The following ASTN2 variants were observed in gnomAD, a reference collection of about 807,000 sequenced individuals.
ASTN2 encodes the protein astrotactin-2.
In ASTN2, 54 loss-of-function variants were observed where a neutral mutation model predicts 139.8. That is an observed-to-expected ratio of 0.39 (90% CI 0.31 to 0.48). The LOEUF is 0.48. Among genes scored for constraint, ASTN2 ranks in the 20% least tolerant of loss-of-function variants. ASTN2 has a pLI of 0.95. For synonymous variants in ASTN2, 756 were observed against 719.5 expected (o/e 1.05, Z -0.81); for missense variants, 1,565 against 1,725.1 (o/e 0.91, Z 1.64).
chr9:117,383,080 C>T (rs1443413845), intron 1 of ASTN2, among the ~76,000 whole-genome samples: 4 of 152,162 alleles, frequency 2.6e-5, no homozygotes, highest in East Asian at 1.9e-4. Context: ...AACAAATAAG[C>T]GTGGCTGTGT....
intron 3 of ASTN2, among the ~76,000 whole-genome samples, chr9:117,179,022 G>A (rs1184851846): frequency 6.6e-6 from 1 of 152,152 alleles, no homozygotes; most frequent in Non-Finnish European, 1.5e-5. Context: ...TTCCCTGAGA[G>A]TAGTAACAGA....
chr9:117,270,122 A>G (rs901694398), intron 2 of ASTN2, among the ~76,000 whole-genome samples: 17 of 152,342 alleles, frequency 1.1e-4, no homozygotes, highest in African/African-American at 4.1e-4. Context: ...TTGAAGGAGT[A>G]AATTTTCATC....
At chr9:117,284,146 C>T (rs963942505) in intron 2 of ASTN2, among the ~76,000 whole-genome samples, 6 of 152,042 alleles carry the variant, frequency 3.9e-5, no homozygotes, top group African/African-American at 1.4e-4. Context: ...AGGGTGGGAC[C>T]CAGTCAGAGT....
intron 19 of ASTN2, among the ~76,000 whole-genome samples, chr9:116,558,771 A>T (rs1201787874): frequency 1.8e-4 from 27 of 152,242 alleles, no homozygotes. Context: ...ACACAGAAGA[A>T]AAAGCCAGGG....
At chr9:117,083,482 C>A (rs554976558) in intron 5 of ASTN2, among the ~76,000 whole-genome samples, 1 of 152,320 alleles carries the variant, frequency 6.6e-6, no homozygotes, top group South Asian at 2.1e-4. Flanking sequence ...TGCATGCAAG[C>A]ATCTCACACA....
chr9:116,666,390 T>C (rs1221368200), intron 16 of ASTN2, among the ~76,000 whole-genome samples: 1 of 152,202 alleles, frequency 6.6e-6, no homozygotes, highest in Non-Finnish European at 1.5e-5. Flanking sequence ...TTCCTTAAAT[T>C]ATGAATGCCA....
At chr9:116,845,705 A>C (rs954253885) in intron 11 of ASTN2, among the ~76,000 whole-genome samples, 7 of 152,228 alleles carry the variant, frequency 4.6e-5, no homozygotes, top group African/African-American at 1.7e-4. Context: ...GGCTGTTACC[A>C]AAAATTCAGA....
intron 3 of ASTN2, among the ~76,000 whole-genome samples, chr9:117,189,105 GT>G (rs2132963982): frequency 6.6e-6 from 1 of 152,252 alleles, no homozygotes; most frequent in African/African-American, 2.4e-5. Flanking sequence ...CCTGAACAAT[GT>G]CTTATAAAAG....
chr9:117,358,981 T>A (rs1829622725), intron 1 of ASTN2, among the ~76,000 whole-genome samples: 1 of 152,024 alleles, frequency 6.6e-6, no homozygotes, highest in Non-Finnish European at 1.5e-5. Context: ...TGGTGGGAGG[T>A]TAAGCAAGGT....
chr9:116,607,033 C>A (rs546492027), intron 19 of ASTN2, among the ~76,000 whole-genome samples: 2 of 152,248 alleles, frequency 1.3e-5, no homozygotes, highest in East Asian at 1.9e-4. Context: ...AAAGGTGACA[C>A]AGAAGCAAAC....
At chr9:117,221,847 G>GAA (rs57161095) in intron 2 of ASTN2, among the ~76,000 whole-genome samples, 2,284 of 144,998 alleles carry the variant, frequency 0.016, 80 homozygotes, top group Admixed American at 0.079. Context: ...AGTGTTAGAA[G>GAA]AAAAAAAAAA....
intron 5 of ASTN2, among the ~76,000 whole-genome samples, chr9:117,056,522 T>C (rs771025615): frequency 2.0e-5 from 3 of 152,162 alleles, no homozygotes; most frequent in Non-Finnish European, 4.4e-5. Context: ...GACATCATAA[T>C]TACACTGTGT....
intron 1 of ASTN2, among the ~76,000 whole-genome samples, chr9:117,303,546 A>G (rs1297963868): frequency 2.6e-5 from 4 of 152,120 alleles, no homozygotes; most frequent in Non-Finnish European, 5.9e-5. Flanking sequence ...GATGCAGCCA[A>G]ACCAGGACAA....
At chr9:117,117,381 A>G (rs202063913) in intron 4 of ASTN2, among the ~76,000 whole-genome samples, 2 of 57,700 alleles carry the variant, frequency 3.5e-5, no homozygotes. Flanking sequence ...AAAAAAAAAG[A>G]AAAGAACGAA....
At chr9:117,114,822 C>T (rs1407178149) in intron 4 of ASTN2, among the ~76,000 whole-genome samples, 1 of 152,150 alleles carries the variant, frequency 6.6e-6, no homozygotes, top group Non-Finnish European at 1.5e-5. Flanking sequence ...AGTCACTATC[C>T]AAGAAACCTG....
chr9:116,835,810 A>C (rs984939180), intron 11 of ASTN2, among the ~76,000 whole-genome samples: 12 of 152,064 alleles, frequency 7.9e-5, no homozygotes, highest in Non-Finnish European at 1.5e-4. Context: ...TTTTAGAGAG[A>C]GGTTCTCTCT....
intron 19 of ASTN2, chr9:116,584,448 C>T (rs1854071060): frequency 6.6e-6 from 1 of 152,100 alleles, no homozygotes; most frequent in African/African-American, 2.4e-5. Context: ...AAACTATAGC[C>T]CACTACCATC....
At chr9:117,082,127 T>C (rs1201000571) in intron 5 of ASTN2, among the ~76,000 whole-genome samples, 1 of 152,174 alleles carries the variant, frequency 6.6e-6, no homozygotes. Context: ...TCCCCTCAAC[T>C]AGAACACTCC....
intron 19 of ASTN2, among the ~76,000 whole-genome samples, chr9:116,521,539 G>C (rs912366273): frequency 2.6e-5 from 4 of 151,952 alleles, no homozygotes; most frequent in African/African-American, 9.7e-5. Flanking sequence ...AAACCATAAA[G>C]ATTCTAGAAG....
Sources: gnomAD v4.1 joint callset for allele counts (sites outside exome capture counted in the v4.1 genomes callset) on GRCh38, gnomAD v4.1.1 for gene constraint, MANE v1.5 for transcripts, NCBI Gene and HGNC (gene_info 2026-07-23, HGNC 2026-07-21) for gene names.